The following RFX8 variants were observed in gnomAD, a reference collection of about 807,000 sequenced individuals.
RFX8 encodes the protein regulatory factor X8, also known as DNA-binding protein RFX8.
Under a neutral mutation model 54.6 loss-of-function variants are expected in RFX8, and 46 were observed. That is an observed-to-expected ratio of 0.84 (90% confidence interval 0.67 to 1.08). The LOEUF (loss-of-function observed/expected upper bound fraction) is 1.08. RFX8 is among the 50% of genes least tolerant of loss of function. RFX8 has a pLI of 0.00. For missense variants in RFX8, 536 were observed against 562.3 expected (o/e 0.95, Z 0.47); for synonymous variants, 192 against 209.5 (o/e 0.92, Z 0.72).
intron 2 of RFX8, among the ~76,000 whole-genome samples, chr2:101,424,347 T>C (rs1687049894): frequency 6.6e-6 from 1 of 152,102 alleles, no homozygotes; most frequent in Non-Finnish European, 1.5e-5. Context: ...AGAATGGTGA[T>C]CATTAAAAAG....
At chr2:101,422,023 C>T (rs1485338672) in intron 3 of RFX8, among the ~76,000 whole-genome samples, 2 of 152,212 alleles carry the variant, frequency 1.3e-5, no homozygotes, top group African/African-American at 4.8e-5. Flanking sequence ...TATTCTACCA[C>T]TACAAAGGCC....
chr2:101,428,714 AAC>A (rs1324619356), intron 2 of RFX8, among the ~76,000 whole-genome samples: 8 of 152,338 alleles, frequency 5.3e-5, no homozygotes, highest in African/African-American at 1.9e-4. Context: ...TAGCTGAAGA[AAC>A]ACAGTTAAGC....
At chr2:101,414,688 G>A (rs748726671) in intron 7 of RFX8, among the ~76,000 whole-genome samples, 166 bp downstream of exon 7, 2 of 152,010 alleles carry the variant, frequency 1.3e-5, no homozygotes, top group Non-Finnish European at 2.9e-5. Context: ...TTTGAGTCAC[G>A]GGGGCCCACC....
intron 6 of RFX8, among the ~76,000 whole-genome samples, chr2:101,417,252 T>C (rs1044430026): frequency 1.3e-5 from 2 of 152,254 alleles, no homozygotes; most frequent in Non-Finnish European, 2.9e-5. Flanking sequence ...TCACCCAGGC[T>C]GGAGTGCAGT....
At chr2:101,428,020 G>A (rs1036490233) in intron 2 of RFX8, among the ~76,000 whole-genome samples, 6 of 150,756 alleles carry the variant, frequency 4.0e-5, no homozygotes, top group Admixed American at 1.3e-4. Flanking sequence ...CCGGCTGAGC[G>A]TGGTGGCTCA....
chr2:101,421,870 C>G lies in RFX8; in HGVS notation c.184-93G>C, dbSNP rs1415941795. 1.5e-5 allele frequency: 14 copies of G among 907,700 alleles called. No individual in the cohort carries two copies. The Middle Eastern group carries it at 6.5e-4, about 42-fold the overall frequency. The allele number at this position is 907,700 out of a possible 1,614,324, so 56.2% of individuals were successfully genotyped here. A position where few individuals can be genotyped will look rare whatever the true frequency, so the allele number is the denominator to read the frequency against. On this transcript the variant is annotated intron_variant, in intron 3 of 11. Transcript: ENST00000428343. Reference sequence around the variant, plus strand: ...TTTTCTGAAGCTCTCAGAGGCCGCTCTTGTTGCAATTCTCAAATGACAATA... The same window carrying G: ...TTTTCTGAAGCTCTCAGAGGCCGCTGTTGTTGCAATTCTCAAATGACAATA...
At chr2:101,462,086 G>GA (rs1689314728) in intron 2 of RFX8, among the ~76,000 whole-genome samples, 1 of 152,130 alleles carries the variant, frequency 6.6e-6, no homozygotes. Flanking sequence ...GGGACTTATG[G>GA]TGTTTAAAAT....
intron 10 of RFX8, among the ~76,000 whole-genome samples, chr2:101,404,671 T>G (rs1685630067): frequency 6.6e-6 from 1 of 151,936 alleles, no homozygotes. Flanking sequence ...AAGAGATCTG[T>G]GTCCCTCAGT....
intron 2 of RFX8, among the ~76,000 whole-genome samples, chr2:101,457,777 C>T (rs1689064385): frequency 6.6e-6 from 1 of 152,196 alleles, no homozygotes; most frequent in African/African-American, 2.4e-5. Flanking sequence ...AACCTTCTAG[C>T]TCATTGATCT....
intron 2 of RFX8, chr2:101,434,949 G>C (rs1365460660): frequency 3.3e-5 from 5 of 152,308 alleles, no homozygotes; most frequent in Non-Finnish European, 5.9e-5. Flanking sequence ...TGCACACACA[G>C]AAGGAAAACA....
Position 101,418,859 on chromosome 2 carries a change from G to A in RFX8, c.343C>T (p.Leu115=), listed in dbSNP as rs558769749. Residue 115 remains leucine, a synonymous_variant, in exon 5 of 12, where the codon CTG becomes TTG. Coordinates refer to ENST00000428343, the MANE Select transcript of RFX8 (RefSeq NM_001145664.2). The part of the protein sequence containing the change: ...CQLFKCYDVQ[L]YKGIEDVLLH... ...CTCACGCGTCCTCCTACCTTGTACAGCTGGACGTCGTAGCATTTAAAGAGC... is the reference window on the plus strand; with the variant it reads ...CTCACGCGTCCTCCTACCTTGTACAACTGGACGTCGTAGCATTTAAAGAGC... 5.8e-6 allele frequency: 9 copies of A among 1,546,862 alleles called. No homozygotes were observed. The Admixed American group carries it at 1.4e-4, about 24-fold the overall frequency.
chr2:101,445,884 T>C (rs887493964), intron 2 of RFX8, among the ~76,000 whole-genome samples: 3 of 152,244 alleles, frequency 2.0e-5, no homozygotes, highest in African/African-American at 7.2e-5. Flanking sequence ...AGATGAGTTA[T>C]AGAGTTTTCA....
At chr2:101,469,109 T>TAC (rs1558897018) in intron 1 of RFX8, among the ~76,000 whole-genome samples, 3 of 26,050 alleles carry the variant, frequency 1.2e-4, no homozygotes, top group African/African-American at 4.0e-4. Context: ...TATATATAAG[T>TAC]GTATATATAT....
intron 2 of RFX8, among the ~76,000 whole-genome samples, chr2:101,457,689 T>C (rs544167326): frequency 6.6e-5 from 10 of 152,324 alleles, no homozygotes; most frequent in Non-Finnish European, 1.3e-4. Flanking sequence ...ATTCTGTTGA[T>C]TTGGGCTGGA....
chr2:101,439,851 C>A (rs1687994513), intron 2 of RFX8, among the ~76,000 whole-genome samples: 1 of 152,098 alleles, frequency 6.6e-6, no homozygotes, highest in African/African-American at 2.4e-5. Flanking sequence ...GCTAGAATGA[C>A]AGGTGTGAGC....
chr2:101,466,808 TCA>T lies in RFX8; in HGVS notation c.39_40del (p.Asn15ProfsTer11). On this transcript the variant is annotated frameshift_variant, in exon 2 of 12. Transcript: ENST00000428343. LOFTEE classifies it high-confidence loss of function. ...AAAGGTGGCCGGGTTGACTTGGTTC[TCA>T]GTGTTTTGCCCACAGGTCTCCACGT... is the stretch of plus-strand genomic sequence containing the variant. 1 of 1,551,630 alleles carries T rather than the reference TCA, an allele frequency of 6.4e-7. No homozygotes were observed. Among genetic ancestry groups the T allele is most frequent in the Non-Finnish European group, 8.7e-7 (1 of 1,146,904 alleles).
At chr2:101,452,412 CG>C (rs1252308874) in intron 2 of RFX8, 12 of 1,382,422 alleles carry the variant, frequency 8.7e-6, no homozygotes, top group Non-Finnish European at 1.1e-5. Flanking sequence ...GCCCAGCCTC[CG>C]GGTGCCAAGG....
chr2:101,430,972 TTTC>T (rs993758771), intron 2 of RFX8, among the ~76,000 whole-genome samples: 41 of 152,360 alleles, frequency 2.7e-4, no homozygotes, highest in African/African-American at 9.6e-4. Flanking sequence ...GTTGTGAGAC[TTTC>T]TTCAACTAAA....
intron 2 of RFX8, among the ~76,000 whole-genome samples, chr2:101,454,720 C>T (rs1278252724): frequency 6.6e-6 from 1 of 152,184 alleles, no homozygotes; most frequent in East Asian, 1.9e-4. Context: ...TGTTCATACC[C>T]TTTACCCACT....
Sources: gnomAD v4.1 joint callset for allele counts (sites outside exome capture counted in the v4.1 genomes callset) on GRCh38, gnomAD v4.1.1 for gene constraint, MANE v1.5 for transcripts, NCBI Gene and HGNC (gene_info 2026-07-23, HGNC 2026-07-21) for gene names.